The following CLIP4 variants were observed in gnomAD, a reference collection of about 807,000 sequenced individuals.
CLIP4 encodes CAP-Gly domain containing linker protein family member 4.
In CLIP4, 47 loss-of-function variants were observed where a neutral mutation model predicts 73.1. The observed-to-expected ratio is 0.64, with a 90% CI of 0.51 to 0.82. CLIP4 has a LOEUF of 0.82. Ranked by LOEUF, CLIP4 falls within the 40% of genes least tolerant of loss-of-function variation. The pLI, the probability that CLIP4 is intolerant of heterozygous loss-of-function variation, is 0.00. For missense variants in CLIP4, 874 were observed against 852.9 expected, an observed-to-expected ratio of 1.02 and a Z score of -0.31; for synonymous variants, 306 against 295.4, an observed-to-expected ratio of 1.04 and a Z score of -0.37.
intron 2 of CLIP4, among the ~76,000 whole-genome samples, chr2:29,129,010 T>C (rs899095751): frequency 5.3e-5 from 8 of 152,166 alleles, no homozygotes; most frequent in Admixed American, 5.2e-4. Context: ...TGTTTCAGTA[T>C]TTATCTTATG....
chr2:29,164,414 A>G (rs1246458801), intron 13 of CLIP4, among the ~76,000 whole-genome samples: 1 of 152,206 alleles, frequency 6.6e-6, no homozygotes, highest in Non-Finnish European at 1.5e-5. Flanking sequence ...TAGGCAGTAG[A>G]TCTTTGGGGG....
At chr2:29,140,145 T>C (rs910902512) in intron 6 of CLIP4, among the ~76,000 whole-genome samples, 8 of 152,138 alleles carry the variant, frequency 5.3e-5, no homozygotes, top group African/African-American at 1.9e-4. Context: ...TAGTTACATA[T>C]GTATACATGT....
At chr2:29,150,374 A>G (rs1159734938) in intron 8 of CLIP4, among the ~76,000 whole-genome samples, 1 of 152,198 alleles carries the variant, frequency 6.6e-6, no homozygotes, top group Non-Finnish European at 1.5e-5. Flanking sequence ...TCCTTCAGTG[A>G]CTGTTTCCTG....
intron 14 of CLIP4, among the ~76,000 whole-genome samples, chr2:29,172,246 A>G (rs1022430578): frequency 1.3e-4 from 19 of 151,610 alleles, no homozygotes; most frequent in African/African-American, 4.6e-4. Context: ...TTGTAATGTT[A>G]CTCTCATATT....
intron 9 of CLIP4, among the ~76,000 whole-genome samples, chr2:29,153,808 A>C (rs906206924): frequency 6.6e-6 from 1 of 152,204 alleles, no homozygotes; most frequent in African/African-American, 2.4e-5. Flanking sequence ...ACTGCACTCC[A>C]TAATAAGTAG....
intron 1 of CLIP4, among the ~76,000 whole-genome samples, chr2:29,098,230 G>A (rs1287330336): frequency 6.6e-6 from 1 of 152,188 alleles, no homozygotes; most frequent in Non-Finnish European, 1.5e-5. Flanking sequence ...TACGATCAAT[G>A]AATAGATAAT....
At chr2:29,151,660 C>T (rs144492171) in intron 8 of CLIP4, among the ~76,000 whole-genome samples, 2 of 152,182 alleles carry the variant, frequency 1.3e-5, no homozygotes, top group African/African-American at 4.8e-5. Flanking sequence ...TACAGAGTCT[C>T]GAGCATTTCT....
At chr2:29,146,970 A>G (rs913902472) in intron 8 of CLIP4, among the ~76,000 whole-genome samples, 1 of 152,176 alleles carries the variant, frequency 6.6e-6, no homozygotes, top group Non-Finnish European at 1.5e-5. Flanking sequence ...ATGGAATCTC[A>G]TTTTTTTGGT....
chr2:29,176,689 C>G (rs1668364061), intron 15 of CLIP4, among the ~76,000 whole-genome samples: 1 of 152,166 alleles, frequency 6.6e-6, no homozygotes, highest in African/African-American at 2.4e-5. Flanking sequence ...GGCGTTGATT[C>G]TCCTTCACTC....
At chr2:29,130,467 T>G (rs2148484547) in intron 2 of CLIP4, 1 of 260,018 alleles carries the variant, frequency 3.8e-6, no homozygotes, top group East Asian at 1.0e-4. Flanking sequence ...TGCAATGTGC[T>G]GAGTCATGCT....
chr2:29,141,650 C>T (rs3099568), intron 6 of CLIP4, among the ~76,000 whole-genome samples: 25,815 of 152,112 alleles, frequency 0.17, 2,486 homozygotes, highest in Middle Eastern at 0.26. Flanking sequence ...TTTTTGTTTT[C>T]CATTTGCATG....
intron 15 of CLIP4, among the ~76,000 whole-genome samples, chr2:29,178,920 G>A (rs1400921072): frequency 2.0e-5 from 3 of 152,050 alleles, no homozygotes; most frequent in East Asian, 1.9e-4. Context: ...TCAGCCTCTC[G>A]AGTAGCTGGG....
At chr2:29,143,400 GT>G (rs745440777) in intron 6 of CLIP4, among the ~76,000 whole-genome samples, 26 of 39,498 alleles carry the variant, frequency 6.6e-4, no homozygotes, top group African/African-American at 1.1e-3. Context: ...CCCCTTCCCT[GT>G]TTTTTTTTTT....
chr2:29,150,029 C>T (rs1385583912), intron 8 of CLIP4, among the ~76,000 whole-genome samples: 4 of 152,106 alleles, frequency 2.6e-5, no homozygotes, highest in East Asian at 1.9e-4. Context: ...CTCTCCTTTT[C>T]GTCTTTTTGC....
chr2:29,122,645 G>A (rs1305827883), intron 2 of CLIP4, among the ~76,000 whole-genome samples: 2 of 151,848 alleles, frequency 1.3e-5, no homozygotes, highest in African/African-American at 4.8e-5. Flanking sequence ...GGAATTAAAC[G>A]TTGAAACCCC....
chr2:29,135,388 T>C (rs1665279686), intron 5 of CLIP4, among the ~76,000 whole-genome samples, 160 bp from the exon 6 acceptor site: 1 of 152,258 alleles, frequency 6.6e-6, no homozygotes, highest in African/African-American at 2.4e-5. Context: ...AACTAGATTG[T>C]AATATAAAGA....
At chr2:29,125,951 G>T (rs536286771) in intron 2 of CLIP4, among the ~76,000 whole-genome samples, 2 of 152,224 alleles carry the variant, frequency 1.3e-5, no homozygotes, top group South Asian at 2.1e-4. Context: ...GAGGCAGGTG[G>T]ATCACCTGAG....
intron 1 of CLIP4, 149 bp from the exon 2 acceptor site, chr2:29,121,224 CA>C: frequency 1.3e-6 from 1 of 763,242 alleles, no homozygotes; most frequent in Non-Finnish European, 2.0e-6. Context: ...ACAGTTTTGC[CA>C]AAAGGAATTT....
intron 15 of CLIP4, 120 bp from the exon 16 acceptor site, chr2:29,181,452 G>C (rs1281601746): frequency 1.2e-6 from 1 of 810,692 alleles, no homozygotes; most frequent in Non-Finnish European, 1.9e-6. Flanking sequence ...TGACCATAAA[G>C]TATTCTCTTT....
Sources: gnomAD v4.1 joint callset for allele counts (sites outside exome capture counted in the v4.1 genomes callset) on GRCh38, gnomAD v4.1.1 for gene constraint, MANE v1.5 for transcripts, NCBI Gene and HGNC (gene_info 2026-07-23, HGNC 2026-07-21) for gene names.